Variants in TCF7L2 observed in about 807,000 individuals in gnomAD.
TCF7L2 encodes the protein transcription factor 7-like 2.
Under a neutral mutation model 77.9 loss-of-function variants are expected in TCF7L2, and 23 were observed. The observed-to-expected ratio is 0.30, with a 90% CI of 0.21 to 0.42. The LOEUF is 0.42. TCF7L2 is among the 10% of genes least tolerant of loss of function. The probability of loss-of-function intolerance (pLI) is 1.00; values close to 1 mark genes in which losing one functional copy is unlikely to be tolerated. For synonymous variants in TCF7L2, 413 were observed against 340.2 expected (o/e 1.21, Z -2.36); for missense variants, 654 against 793.1 (o/e 0.82, Z 2.11).
chr10:113,091,517 T>C (rs1338482716), intron 5 of TCF7L2, among the ~76,000 whole-genome samples: 2 of 152,036 alleles, frequency 1.3e-5, no homozygotes, highest in African/African-American at 4.8e-5. Flanking sequence ...CAGATCACGA[T>C]ATCAGGAGTT....
intron 5 of TCF7L2, among the ~76,000 whole-genome samples, chr10:113,109,299 C>T (rs2062819938): frequency 6.6e-6 from 1 of 152,182 alleles, no homozygotes; most frequent in South Asian, 2.1e-4. Flanking sequence ...CAATTTTATT[C>T]CTGGAGTCTC....
At chr10:113,064,713 C>T (rs1188443872) in intron 5 of TCF7L2, among the ~76,000 whole-genome samples, 2 of 152,196 alleles carry the variant, frequency 1.3e-5, no homozygotes, top group Non-Finnish European at 2.9e-5. Flanking sequence ...TGCCAGTTCA[C>T]GGCATATAAA....
chr10:113,141,093 G>T, intron 5 of TCF7L2, 91 bp from the exon 6 acceptor site: 1 of 1,531,718 alleles, frequency 6.5e-7, no homozygotes, highest in African/African-American at 1.4e-5. Context: ...GTGAGAGGCT[G>T]TGGCCAAGGG....
rs1589556356 is a variant in TCF7L2, at chr10:112,950,689, T to A, written c.-68T>A. On this transcript the variant is annotated 5_prime_UTR_variant, in exon 1 of 14. Coordinates refer to ENST00000627217, the MANE Select transcript of TCF7L2 (RefSeq NM_001146274.2). ...TTGGGGGGGCAAAACTTTTTGGGGG[T>A]GATTTTTTTTGGCTTTTCTTCCTCC... 6.7e-7 allele frequency: 1 copy of A among 1,495,412 alleles called. No individual in the cohort carries two copies. Among genetic ancestry groups the A allele is most frequent in the Non-Finnish European group, 8.9e-7 (1 of 1,124,222 alleles). 92.6% of individuals were successfully genotyped at this position (1,495,412 alleles called of 1,614,324 possible). A position where few individuals can be genotyped will look rare whatever the true frequency, so the allele number is the denominator to read the frequency against.
intron 1 of TCF7L2, 73 bp from the exon 2 acceptor site, chr10:112,951,134 C>A: frequency 3.1e-6 from 4 of 1,286,074 alleles, no homozygotes; most frequent in Non-Finnish European, 4.3e-6. Flanking sequence ...CTCGCCGATT[C>A]TTTTTCTCCC....
intron 4 of TCF7L2, among the ~76,000 whole-genome samples, chr10:113,039,579 A>G (rs926846492): frequency 2.0e-5 from 3 of 152,184 alleles, no homozygotes; most frequent in Non-Finnish European, 2.9e-5. Context: ...ATGACATTTG[A>G]AAAACGGAGG....
At chr10:112,992,079 C>G (rs1224151199) in intron 4 of TCF7L2, among the ~76,000 whole-genome samples, 1 of 152,200 alleles carries the variant, frequency 6.6e-6, no homozygotes, top group Non-Finnish European at 1.5e-5. Flanking sequence ...GTTGTTCATT[C>G]CCAGCCCTGT....
chr10:113,063,555 G>A (rs1328122551), intron 5 of TCF7L2, among the ~76,000 whole-genome samples: 4 of 152,082 alleles, frequency 2.6e-5, no homozygotes, highest in African/African-American at 9.7e-5. Flanking sequence ...GGAACCTGGT[G>A]GACACAGGAG....
intron 5 of TCF7L2, among the ~76,000 whole-genome samples, chr10:113,134,511 C>CAA (rs2067108218): frequency 6.6e-6 from 1 of 152,198 alleles, no homozygotes; most frequent in Admixed American, 6.5e-5. Flanking sequence ...TCACCACCCT[C>CAA]ACAGGCTGGA....
intron 5 of TCF7L2, among the ~76,000 whole-genome samples, chr10:113,114,163 T>C (rs1372372160): frequency 6.6e-6 from 1 of 152,242 alleles, no homozygotes; most frequent in Non-Finnish European, 1.5e-5. Flanking sequence ...GGCACTGTAG[T>C]TCCTTTTTAA....
At chr10:113,083,873 A>C (rs144714577) in intron 5 of TCF7L2, among the ~76,000 whole-genome samples, 1 of 152,210 alleles carries the variant, frequency 6.6e-6, no homozygotes, top group Non-Finnish European at 1.5e-5. Flanking sequence ...CCATTTATGC[A>C]TAGAACCTTG....
At chr10:112,957,838 A>C (rs1727239954) in intron 3 of TCF7L2, among the ~76,000 whole-genome samples, 1 of 152,068 alleles carries the variant, frequency 6.6e-6, no homozygotes, top group African/African-American at 2.4e-5. Flanking sequence ...TGCTGATTTT[A>C]ATTTATGTTG....
At chr10:113,149,414 G>T (rs1017141401) in intron 8 of TCF7L2, among the ~76,000 whole-genome samples, 2 of 152,174 alleles carry the variant, frequency 1.3e-5, no homozygotes, top group African/African-American at 4.8e-5. Context: ...AAAGGCAGTG[G>T]CAGGAAAGGC....
chr10:112,997,278 A>G (rs1053343664), intron 4 of TCF7L2, among the ~76,000 whole-genome samples: 14 of 152,388 alleles, frequency 9.2e-5, no homozygotes, highest in African/African-American at 3.4e-4. Context: ...CAACAGGGAC[A>G]TCAGCATTTT....
intron 4 of TCF7L2, among the ~76,000 whole-genome samples, chr10:112,979,517 G>A (rs1378707661): frequency 6.6e-5 from 10 of 152,192 alleles, no homozygotes; most frequent in Admixed American, 4.6e-4. Flanking sequence ...AGCACTTTGG[G>A]AAGCCGAGGC....
At chr10:113,089,550 G>A (rs759083070) in intron 5 of TCF7L2, 14 of 1,613,114 alleles carry the variant, frequency 8.7e-6, no homozygotes, top group African/African-American at 2.7e-5. Context: ...GGTAGGTCTC[G>A]GAGCAGAATC....
At chr10:113,099,492 A>G (rs6585206) in intron 5 of TCF7L2, among the ~76,000 whole-genome samples, 130,999 of 152,240 alleles carry the variant, frequency 0.86, 56,647 homozygotes, top group East Asian at 0.97. Context: ...GCTCTGGAAC[A>G]AGCTGCTACA....
chr10:112,990,691 G>GT (rs1206540485), intron 4 of TCF7L2, among the ~76,000 whole-genome samples: 3 of 152,074 alleles, frequency 2.0e-5, no homozygotes, highest in Admixed American at 6.5e-5. Flanking sequence ...GGATGACTGA[G>GT]TGGGACCCTG....
At chr10:113,140,594 A>G (rs1430079993) in intron 5 of TCF7L2, among the ~76,000 whole-genome samples, 3 of 152,062 alleles carry the variant, frequency 2.0e-5, no homozygotes, top group African/African-American at 4.8e-5. Context: ...TAAAGTTCAC[A>G]CTCCCACCCA....
Sources: gnomAD v4.1 joint callset for allele counts (sites outside exome capture counted in the v4.1 genomes callset) on GRCh38, gnomAD v4.1.1 for gene constraint, MANE v1.5 for transcripts, NCBI Gene and HGNC (gene_info 2026-07-23, HGNC 2026-07-21) for gene names.